The following KIAA1549L variants were observed in gnomAD, a reference collection of about 807,000 sequenced individuals.
The protein encoded by KIAA1549L is UPF0606 protein KIAA1549L.
In KIAA1549L, 88 loss-of-function variants were observed where a neutral mutation model predicts 160.7. That is an observed-to-expected ratio of 0.55 (90% CI 0.46 to 0.65). KIAA1549L has a LOEUF of 0.65. Among genes scored for constraint, KIAA1549L ranks in the 30% least tolerant of loss-of-function variants. KIAA1549L has a pLI of 0.00. For missense variants in KIAA1549L, 2,258 were observed against 2,437.5 expected (o/e 0.93, Z 1.55); for synonymous variants, 950 against 976.7 (o/e 0.97, Z 0.51).
chr11:33,600,185 A>G (rs1276449824), intron 13 of KIAA1549L, among the ~76,000 whole-genome samples: 1 of 152,198 alleles, frequency 6.6e-6, no homozygotes, highest in Non-Finnish European at 1.5e-5. Context: ...TGAATTCTGC[A>G]TGCCTGTAAC....
At chr11:33,491,194 A>ATCAC (rs1237704262) in intron 1 of KIAA1549L, among the ~76,000 whole-genome samples, 1 of 152,224 alleles carries the variant, frequency 6.6e-6, no homozygotes, top group Non-Finnish European at 1.5e-5. Context: ...AAGTGCAGGT[A>ATCAC]TAGTGAGAAG....
At chr11:33,530,024 A>T (rs905123891) in intron 1 of KIAA1549L, among the ~76,000 whole-genome samples, 1 of 152,062 alleles carries the variant, frequency 6.6e-6, no homozygotes, top group African/African-American at 2.4e-5. Flanking sequence ...CTGTATCCTC[A>T]AAGTCTTTCC....
intron 1 of KIAA1549L, among the ~76,000 whole-genome samples, chr11:33,406,688 C>T (rs1216191980): frequency 2.0e-5 from 3 of 152,238 alleles, no homozygotes; most frequent in African/African-American, 7.2e-5. Flanking sequence ...CCTAGCCCTC[C>T]GCTGCCTCAA....
At chr11:33,481,103 T>G (rs1213025833) in intron 1 of KIAA1549L, among the ~76,000 whole-genome samples, 3 of 152,234 alleles carry the variant, frequency 2.0e-5, no homozygotes, top group African/African-American at 7.2e-5. Flanking sequence ...TCTGTATTTT[T>G]TTCTCGTTTA....
intron 1 of KIAA1549L, among the ~76,000 whole-genome samples, chr11:33,432,627 A>G (rs1851273234): frequency 6.6e-6 from 1 of 152,142 alleles, no homozygotes; most frequent in Non-Finnish European, 1.5e-5. Flanking sequence ...ATTCTTCAAG[A>G]CAATTCTAAG....
At chr11:33,378,041 A>G (rs1030842603) in intron 1 of KIAA1549L, among the ~76,000 whole-genome samples, 1 of 152,192 alleles carries the variant, frequency 6.6e-6, no homozygotes, top group African/African-American at 2.4e-5. Context: ...AGACTTGAGA[A>G]AAACCTCTGA....
intron 14 of KIAA1549L, among the ~76,000 whole-genome samples, chr11:33,609,134 G>A (rs1850581961): frequency 6.6e-6 from 1 of 152,228 alleles, no homozygotes; most frequent in Non-Finnish European, 1.5e-5. Flanking sequence ...CTATAGGGCA[G>A]GACCTGGTTC....
chr11:33,624,901 C>G (rs1231403645), intron 16 of KIAA1549L, among the ~76,000 whole-genome samples: 1 of 118,030 alleles, frequency 8.5e-6, no homozygotes, highest in Non-Finnish European at 1.7e-5. Flanking sequence ...AGTGCTATCC[C>G]TCCCCCCTCC....
At chr11:33,468,025 T>C (rs955426131) in intron 1 of KIAA1549L, among the ~76,000 whole-genome samples, 2 of 152,214 alleles carry the variant, frequency 1.3e-5, no homozygotes, top group African/African-American at 2.4e-5. Flanking sequence ...GCCACATTTT[T>C]CCCCTGACAA....
rs1854069390 is a variant in KIAA1549L at position 33,542,745 on chromosome 11, T to TG, written c.1184dup (p.Arg396LysfsTer12). 6.2e-7 allele frequency: 1 copy of TG among 1,613,964 alleles called. No individual in the cohort carries two copies. Among genetic ancestry groups the TG allele is most frequent in the Non-Finnish European group, 8.5e-7 (1 of 1,179,862 alleles). Reference sequence around the variant, plus strand: ...CCCAGCAGATCAAAGCTGGGGTGCCTGGAAGAGTGCACAATGGGGTGTCTT... The same window carrying TG: ...CCCAGCAGATCAAAGCTGGGGTGCCTGGGAAGAGTGCACAATGGGGTGTCTT... On this transcript the variant is annotated frameshift_variant, in exon 2 of 21. Transcript: ENST00000658780. LOFTEE classifies it high-confidence loss of function.
intron 20 of KIAA1549L, 84 bp from the exon 21 acceptor site, chr11:33,667,789 C>T: frequency 8.1e-7 from 1 of 1,229,118 alleles, no homozygotes. Flanking sequence ...CAGCCCCCTC[C>T]TGCTTCCAGT....
rs118121401 is a variant in KIAA1549L at position 33,664,086 on chromosome 11, A to G, written c.6159+3072A>G. On this transcript the variant is annotated intron_variant, in intron 20 of 20. Transcript: ENST00000658780. The stretch of plus-strand genomic sequence containing the variant: ...TGGTTTTCCTCTAAGATACAAATGA[A>G]ACATATCAGTGCTTGTATATAAAGA... Among the ~76,000 whole-genome samples, 63 of 152,306 alleles carry G rather than the reference A, an allele frequency of 4.1e-4. No homozygotes were observed. The East Asian group carries it at 0.011, about 26-fold the overall frequency.
At chr11:33,596,745 T>G (rs1850211711) in intron 12 of KIAA1549L, among the ~76,000 whole-genome samples, 1 of 152,106 alleles carries the variant, frequency 6.6e-6, no homozygotes, top group Admixed American at 6.5e-5. Flanking sequence ...AAAAACTCAA[T>G]CAGTCATTCA....
intron 10 of KIAA1549L, among the ~76,000 whole-genome samples, chr11:33,577,957 CATGACAGTTCT>C (rs1416444258): frequency 1.3e-5 from 2 of 151,558 alleles, no homozygotes; most frequent in Non-Finnish European, 2.9e-5. Flanking sequence ...CTGTCAGTTC[CATGACAGTTCT>C]ATGATGGTCA....
At chr11:33,613,031 A>G (rs1850687811) in intron 15 of KIAA1549L, among the ~76,000 whole-genome samples, 2 of 152,142 alleles carry the variant, frequency 1.3e-5, no homozygotes, top group Admixed American at 1.3e-4. Context: ...TTGATTCCAT[A>G]TCTTTGCAAT....
intron 1 of KIAA1549L, among the ~76,000 whole-genome samples, chr11:33,432,092 C>G (rs1851260184): frequency 6.6e-6 from 1 of 152,236 alleles, no homozygotes; most frequent in Non-Finnish European, 1.5e-5. Context: ...CCCACAAGCT[C>G]TGCACGCAGT....
chr11:33,550,826 A>G (rs1854434730), intron 4 of KIAA1549L, among the ~76,000 whole-genome samples: 1 of 152,174 alleles, frequency 6.6e-6, no homozygotes, highest in South Asian at 2.1e-4. Context: ...TATACCATGA[A>G]GGTTTGATGT....
In KIAA1549L at chr11:33,435,588, T is replaced by TA. The variant is rs541290546; in HGVS notation, c.238+58705dup. 4.1e-3 allele frequency among the ~76,000 whole-genome samples: 618 copies of TA among 151,248 alleles called. 3 individuals carry two copies. Among genetic ancestry groups the TA allele is most frequent in the Admixed American group, 6.9e-3 (105 of 15,150 alleles). ...TCCTACATATTTTATGGTTTTTCTA[T>TA]AAAAAAGATCATAGGACTGATATGC... On this transcript the variant is annotated intron_variant, in intron 1 of 20. Coordinates refer to ENST00000658780, the MANE Select transcript of KIAA1549L (RefSeq NM_012194.3).
At chr11:33,649,373 G>C (rs542080446) in intron 17 of KIAA1549L, among the ~76,000 whole-genome samples, 121 of 149,268 alleles carry the variant, frequency 8.1e-4, no homozygotes, top group Non-Finnish European at 1.6e-3. Flanking sequence ...AAATTGGCTG[G>C]GCCTGTAGTC....
Sources: allele counts gnomAD v4.1 joint callset (sites outside exome capture counted in the v4.1 genomes callset), GRCh38; gene constraint gnomAD v4.1.1; transcripts MANE v1.5; gene names NCBI Gene and HGNC (gene_info 2026-07-23, HGNC 2026-07-21).